SLC17A6: variants seen among roughly 807,000 people sequenced by gnomAD.
SLC17A6 encodes the protein solute carrier family 17 member 6, also known as vesicular glutamate transporter 2.
SLC17A6 carries 35 observed loss-of-function variants against 67.1 expected under a neutral mutation model. The observed-to-expected ratio is 0.52, with a 90% confidence interval of 0.40 to 0.69. The LOEUF is 0.69. SLC17A6 is among the 30% of genes least tolerant of loss of function. The pLI is 0.00. For missense variants in SLC17A6, 588 were observed against 723.9 expected (o/e 0.81, Z 2.15); for synonymous variants, 285 against 252.3 (o/e 1.13, Z -1.23).
chr11:22,363,424 C>T (rs2290045), intron 6 of SLC17A6, among the ~76,000 whole-genome samples: 22,157 of 152,134 alleles, frequency 0.15, 2,011 homozygotes, highest in East Asian at 0.47. Flanking sequence ...GTAACTATTT[C>T]AAAATATCCC....
intron 7 of SLC17A6, among the ~76,000 whole-genome samples, chr11:22,366,770 C>A (rs1401072753): frequency 3.3e-5 from 5 of 151,880 alleles, no homozygotes; most frequent in African/African-American, 1.2e-4. Flanking sequence ...TTTGGGAGGC[C>A]GAGGCGGGTG....
chr11:22,365,132 T>C (rs925628964), intron 6 of SLC17A6, among the ~76,000 whole-genome samples: 24 of 152,160 alleles, frequency 1.6e-4, no homozygotes, highest in African/African-American at 5.8e-4. Flanking sequence ...TTTTATATAT[T>C]CTAGGCAGGC....
intron 3 of SLC17A6, among the ~76,000 whole-genome samples, chr11:22,356,874 C>T (rs903348609): frequency 1.3e-5 from 2 of 152,056 alleles, no homozygotes; most frequent in African/African-American, 4.8e-5. Flanking sequence ...TCAATTATGC[C>T]ATGATATTGT....
intron 7 of SLC17A6, among the ~76,000 whole-genome samples, chr11:22,366,588 C>T (rs181101656): frequency 1.3e-5 from 2 of 152,060 alleles, no homozygotes; most frequent in Non-Finnish European, 2.9e-5. Flanking sequence ...TTCTGATTTA[C>T]CTAAAAAAGA....
At chr11:22,360,748 T>C (rs1856043529) in intron 4 of SLC17A6, 149 bp from the exon 5 acceptor site, 2 of 580,192 alleles carry the variant, frequency 3.4e-6, no homozygotes, top group Non-Finnish European at 2.9e-6. Flanking sequence ...GATAAATTGA[T>C]TAATATACAG....
Position 22,340,930 on chromosome 11 carries a change from G to A in SLC17A6, c.87-598G>A, listed in dbSNP as rs756507902. ...GGCCTTAGTCCAGGGGGTGCTCCAGGCTCAGCTCAGGGGGTGGATTGGGGA... is the reference window on the plus strand; with the variant it reads ...GGCCTTAGTCCAGGGGGTGCTCCAGACTCAGCTCAGGGGGTGGATTGGGGA... On this transcript the variant is annotated intron_variant, in intron 1 of 11. Coordinates refer to ENST00000263160, the MANE Select transcript of SLC17A6 (RefSeq NM_020346.3). 9.9e-4 allele frequency among the ~76,000 whole-genome samples: 151 copies of A among 152,298 alleles called. 1 individual carries two copies. Among genetic ancestry groups the A allele is most frequent in the Non-Finnish European group, 1.8e-3 (121 of 68,022 alleles).
intron 3 of SLC17A6, among the ~76,000 whole-genome samples, chr11:22,349,888 C>A (rs1477020494): frequency 6.6e-6 from 1 of 152,188 alleles, no homozygotes; most frequent in Non-Finnish European, 1.5e-5. Context: ...CAGTCTGCTG[C>A]AGACCCTCCA....
At chr11:22,372,279 T>G (rs1196780132) in intron 8 of SLC17A6, among the ~76,000 whole-genome samples, 1 of 151,462 alleles carries the variant, frequency 6.6e-6, no homozygotes, top group Non-Finnish European at 1.5e-5. Flanking sequence ...ATTAGTTAAC[T>G]GAGATATACA....
chr11:22,373,633 T>C (rs913299310), intron 8 of SLC17A6, among the ~76,000 whole-genome samples: 32 of 152,188 alleles, frequency 2.1e-4, no homozygotes, highest in African/African-American at 7.2e-4. Flanking sequence ...AAGAGCCCAG[T>C]CTTTCGACTC....
At chr11:22,366,476 AT>A (rs1483386212) in intron 7 of SLC17A6, among the ~76,000 whole-genome samples, 2 of 152,198 alleles carry the variant, frequency 1.3e-5, no homozygotes, top group Admixed American at 1.3e-4. Context: ...TAATTTAATT[AT>A]TTTATTGATA....
chr11:22,362,181 C>G (rs746377215), intron 5 of SLC17A6: 102 of 370,514 alleles, frequency 2.8e-4, no homozygotes, highest in Non-Finnish European at 4.7e-4. Context: ...GCAAAGAAAA[C>G]AAATTTGCCA....
intron 3 of SLC17A6, among the ~76,000 whole-genome samples, chr11:22,345,327 T>TC (rs1235251980): frequency 6.6e-5 from 10 of 151,792 alleles, no homozygotes. Flanking sequence ...TTTTTTTTTT[T>TC]TTTGAGATGG....
intron 8 of SLC17A6, among the ~76,000 whole-genome samples, chr11:22,372,649 G>T (rs189067658): frequency 5.7e-4 from 87 of 152,126 alleles, no homozygotes; most frequent in African/African-American, 2.0e-3. Flanking sequence ...GAAGACATAC[G>T]ATCTAGACTA....
intron 10 of SLC17A6, 38 bp downstream of exon 10, chr11:22,376,130 C>T (rs1366716913): frequency 7.3e-7 from 1 of 1,368,108 alleles, no homozygotes; most frequent in Non-Finnish European, 1.0e-6. Flanking sequence ...TTGGGACATT[C>T]TGATTTTGAC....
chr11:22,366,847 T>C (rs1459369290), intron 7 of SLC17A6, among the ~76,000 whole-genome samples: 3 of 151,516 alleles, frequency 2.0e-5, no homozygotes, highest in African/African-American at 4.9e-5. Context: ...CTACTAAAAA[T>C]ACAAAAATAT....
chr11:22,351,554 C>A (rs770738578), intron 3 of SLC17A6, among the ~76,000 whole-genome samples: 1 of 152,092 alleles, frequency 6.6e-6, no homozygotes, highest in African/African-American at 2.4e-5. Flanking sequence ...GGGTTATGGA[C>A]CCCAGGATGT....
At chr11:22,364,591 A>G (rs976702459) in intron 6 of SLC17A6, among the ~76,000 whole-genome samples, 1 of 152,142 alleles carries the variant, frequency 6.6e-6, no homozygotes, top group Non-Finnish European at 1.5e-5. Context: ...TAAAAGGAAC[A>G]CAGCTCATCA....
chr11:22,372,052 A>T (rs980978855), intron 8 of SLC17A6, among the ~76,000 whole-genome samples: 1 of 152,070 alleles, frequency 6.6e-6, no homozygotes, highest in Non-Finnish European at 1.5e-5. Flanking sequence ...TAATGATATT[A>T]TTTAAGAAGT....
intron 3 of SLC17A6, among the ~76,000 whole-genome samples, chr11:22,345,597 C>T (rs1855867711): frequency 6.6e-6 from 1 of 151,976 alleles, no homozygotes; most frequent in Non-Finnish European, 1.5e-5. Context: ...ATGTTATGTT[C>T]TATGATACTG....
Sources: allele counts gnomAD v4.1 joint callset (sites outside exome capture counted in the v4.1 genomes callset), GRCh38; gene constraint gnomAD v4.1.1; transcripts MANE v1.5; gene names NCBI Gene and HGNC (gene_info 2026-07-23, HGNC 2026-07-21).